Variants in PTPRD observed in about 807,000 individuals in gnomAD.
PTPRD encodes the protein protein tyrosine phosphatase receptor type D, also known as receptor-type tyrosine-protein phosphatase delta.
In PTPRD, 34 loss-of-function variants were observed where a neutral mutation model predicts 214.5. The ratio of observed to expected loss-of-function variants is 0.16; its 90% CI spans 0.12 to 0.21. PTPRD has a LOEUF of 0.21. PTPRD is among the 10% of genes least tolerant of loss of function. The pLI is 1.00. For synonymous variants in PTPRD, 1,128 were observed against 845.7 expected, an observed-to-expected ratio of 1.33 and a Z score of -5.79; for missense variants, 2,545 against 2,398.7, an observed-to-expected ratio of 1.06 and a Z score of -1.27.
At chr9:9,987,561 C>A (rs1042278053) in intron 4 of PTPRD, among the ~76,000 whole-genome samples, 1 of 152,052 alleles carries the variant, frequency 6.6e-6, no homozygotes, top group East Asian at 1.9e-4. Flanking sequence ...CCTGCCCCGA[C>A]AACATGTGGG....
intron 9 of PTPRD, among the ~76,000 whole-genome samples, chr9:9,344,791 A>T (rs2137609798): frequency 6.6e-6 from 1 of 152,184 alleles, no homozygotes; most frequent in South Asian, 2.1e-4. Flanking sequence ...ATTTATTTAA[A>T]AAACTTCTAA....
intron 8 of PTPRD, among the ~76,000 whole-genome samples, chr9:9,398,824 CA>C (rs1259173976): frequency 1.2e-4 from 19 of 152,022 alleles, no homozygotes; most frequent in African/African-American, 4.3e-4. Context: ...GTGGTCACCC[CA>C]GCACCAAGAT....
chr9:10,208,315 C>G (rs577325540), intron 3 of PTPRD, among the ~76,000 whole-genome samples: 2 of 152,128 alleles, frequency 1.3e-5, no homozygotes, highest in Non-Finnish European at 1.5e-5. Context: ...GAGATCGACG[C>G]CATCCTGGCT....
intron 5 of PTPRD, among the ~76,000 whole-genome samples, chr9:9,772,540 T>C (rs943618402): frequency 4.0e-5 from 6 of 148,834 alleles, no homozygotes; most frequent in African/African-American, 1.5e-4. Context: ...CAAAGGGTTG[T>C]CCATCAGTGG....
At chr9:10,130,217 T>C (rs527964946) in intron 3 of PTPRD, among the ~76,000 whole-genome samples, 10 of 151,788 alleles carry the variant, frequency 6.6e-5, no homozygotes, top group African/African-American at 2.4e-4. Flanking sequence ...GGACATAATA[T>C]TCACATTCCA....
intron 2 of PTPRD, among the ~76,000 whole-genome samples, chr9:10,342,062 G>T (rs1426468736): frequency 6.6e-6 from 1 of 152,012 alleles, no homozygotes; most frequent in African/African-American, 2.4e-5. Flanking sequence ...TGCAATTAAA[G>T]GGATAGCACT....
At chr9:8,447,034 C>G (rs2095757895) in intron 34 of PTPRD, among the ~76,000 whole-genome samples, 1 of 152,182 alleles carries the variant, frequency 6.6e-6, no homozygotes, top group African/African-American at 2.4e-5. Flanking sequence ...TAAAAATGTT[C>G]CAGACAGCAG....
At chr9:9,563,795 G>A (rs891149044) in intron 8 of PTPRD, among the ~76,000 whole-genome samples, 1 of 152,072 alleles carries the variant, frequency 6.6e-6, no homozygotes, top group Non-Finnish European at 1.5e-5. Flanking sequence ...CTCTTATCTT[G>A]CATTCTCATA....
intron 9 of PTPRD, among the ~76,000 whole-genome samples, chr9:9,385,688 G>A (rs2063653267): frequency 1.3e-5 from 2 of 152,072 alleles, no homozygotes; most frequent in South Asian, 4.1e-4. Context: ...TCAGTATGCT[G>A]GGTAAGGGAA....
At chr9:10,151,723 A>T (rs553010593) in intron 3 of PTPRD, among the ~76,000 whole-genome samples, 13 of 152,244 alleles carry the variant, frequency 8.5e-5, no homozygotes, top group Non-Finnish European at 1.5e-4. Context: ...CTCAACCCAC[A>T]AAATTGTCTC....
At chr9:8,888,778 T>A (rs1461523565) in intron 11 of PTPRD, among the ~76,000 whole-genome samples, 1 of 152,210 alleles carries the variant, frequency 6.6e-6, no homozygotes, top group African/African-American at 2.4e-5. Flanking sequence ...GGGAATAGCA[T>A]GTTGCATGCA....
intron 3 of PTPRD, among the ~76,000 whole-genome samples, chr9:10,277,973 G>A (rs915938736): frequency 3.9e-5 from 6 of 151,944 alleles, no homozygotes; most frequent in African/African-American, 9.7e-5. Flanking sequence ...CGTGGCTAAC[G>A]AGGGAGAAAA....
rs777715214 is a variant in PTPRD, at chr9:8,518,408, G to T, written c.983C>A (p.Thr328Asn). 6.2e-7 allele frequency: 1 copy of T among 1,606,550 alleles called. No homozygotes were observed. Among genetic ancestry groups the T allele is most frequent in the Non-Finnish European group, 8.5e-7 (1 of 1,176,772 alleles). ...TVKALPKPPGTPVVTESTATS... is the reference protein window; with the variant it reads ...TVKALPKPPGNPVVTESTATS... Reference sequence around the variant, plus strand: ...AGCTGTGCTCTCGGTCACTACAGGAGTTCCTGGAGGTTTGGGTAAGGCTTG... The same window carrying T: ...AGCTGTGCTCTCGGTCACTACAGGATTTCCTGGAGGTTTGGGTAAGGCTTG... The change falls in exon 21 of 46, where the codon ACT (threonine) becomes AAT (asparagine). Residue 328 changes from threonine to asparagine, a missense_variant. Coordinates refer to ENST00000381196, the MANE Select transcript of PTPRD (RefSeq NM_002839.4).
intron 7 of PTPRD, among the ~76,000 whole-genome samples, chr9:9,682,917 T>A (rs911587409): frequency 6.6e-6 from 1 of 151,768 alleles, no homozygotes; most frequent in Non-Finnish European, 1.5e-5. Flanking sequence ...AAGGTGGTGA[T>A]GGGGAATGCC....
chr9:9,242,118 G>A (rs549230977), intron 9 of PTPRD, among the ~76,000 whole-genome samples: 8 of 152,104 alleles, frequency 5.3e-5, no homozygotes, highest in Admixed American at 3.9e-4. Context: ...TAGTTTGGCT[G>A]GATATGAAAT....
chr9:10,054,608 G>A (rs1391113219), intron 3 of PTPRD, among the ~76,000 whole-genome samples: 1 of 152,096 alleles, frequency 6.6e-6, no homozygotes, highest in African/African-American at 2.4e-5. Flanking sequence ...CCATTCCTTT[G>A]AAATGGTATC....
rs778043106 is a variant in PTPRD at position 8,528,822 on chromosome 9, G to A, written c.353-43C>T. On this transcript the variant is annotated intron_variant, in intron 14 of 45. Transcript: ENST00000381196. ...ATAGAAACATTCAGTTAATAAGTCAGATGCTCCAAATTCAAGAGATTCCCC... is the reference window on the plus strand; with the variant it reads ...ATAGAAACATTCAGTTAATAAGTCAAATGCTCCAAATTCAAGAGATTCCCC... The A allele has an allele frequency of 3.2e-5, 51 of 1,586,316 alleles. 2 individuals are homozygous for A. The South Asian group carries it at 5.5e-4, about 17-fold the overall frequency.
intron 3 of PTPRD, among the ~76,000 whole-genome samples, chr9:10,174,172 T>G (rs2099230873): frequency 6.6e-6 from 1 of 152,196 alleles, no homozygotes; most frequent in Non-Finnish European, 1.5e-5. Flanking sequence ...TTTGAATGTT[T>G]GTCCTGCTAA....
rs186403074 is a variant in PTPRD, at chr9:9,129,709, C to T, written c.-143+53595G>A. Among the ~76,000 whole-genome samples the T allele has an allele frequency of 4.9e-3, 741 of 152,232 alleles. 20 individuals are homozygous for T. The highest frequency in any genetic ancestry group is 0.042 in the Admixed American group (649 of 15,292). On this transcript the variant is annotated intron_variant, in intron 10 of 45. Coordinates refer to ENST00000381196, the MANE Select transcript of PTPRD (RefSeq NM_002839.4). ...ATCAATTGTTTGAGTTAGTCACTAG[C>T]CAGATTTTTTTCCCTTTATTATTTA...
Sources: gnomAD v4.1 joint callset for allele counts (sites outside exome capture counted in the v4.1 genomes callset) on GRCh38, gnomAD v4.1.1 for gene constraint, MANE v1.5 for transcripts, NCBI Gene and HGNC (gene_info 2026-07-23, HGNC 2026-07-21) for gene names.